RIC8B: variants seen among roughly 807,000 people sequenced by gnomAD.
RIC8B encodes chaperone Ric-8B.
A neutral mutation model predicts 57.5 loss-of-function variants in RIC8B; 16 were observed. The observed-to-expected ratio is 0.28, with a 90% confidence interval of 0.19 to 0.42. RIC8B has a LOEUF of 0.42. Among genes scored for constraint, RIC8B ranks in the 10% least tolerant of loss-of-function variants. RIC8B has a pLI of 1.00. For missense variants in RIC8B, 481 were observed against 677.0 expected (o/e 0.71, Z 3.21); for synonymous variants, 216 against 250.8 (o/e 0.86, Z 1.31).
chr12:106,823,982 G>A (rs1035079264), intron 3 of RIC8B, among the ~76,000 whole-genome samples: 12 of 152,124 alleles, frequency 7.9e-5, no homozygotes, highest in Non-Finnish European at 1.0e-4. Context: ...CACGGCACCC[G>A]ACTCGTATGA....
intron 2 of RIC8B, among the ~76,000 whole-genome samples, chr12:106,811,761 G>A (rs572272407): frequency 2.1e-4 from 32 of 152,304 alleles, no homozygotes; most frequent in African/African-American, 7.7e-4. Flanking sequence ...GCATTCTGTG[G>A]GCAGCAGGAA....
chr12:106,831,699 A>G (rs1156671746), intron 4 of RIC8B, among the ~76,000 whole-genome samples: 2 of 152,260 alleles, frequency 1.3e-5, no homozygotes. Flanking sequence ...CTAAAGTGTC[A>G]GAGTCTCTGC....
intron 8 of RIC8B, among the ~76,000 whole-genome samples, chr12:106,869,903 C>T (rs1212469653): frequency 6.6e-6 from 1 of 152,204 alleles, no homozygotes; most frequent in Non-Finnish European, 1.5e-5. Flanking sequence ...TGTGCGACTG[C>T]ACTCCAACGT....
At chr12:106,805,788 T>G (rs2044986429) in intron 2 of RIC8B, among the ~76,000 whole-genome samples, 1 of 152,290 alleles carries the variant, frequency 6.6e-6, no homozygotes, top group African/African-American at 2.4e-5. Context: ...TAGTATATTT[T>G]CTCTTTAAAA....
intron 1 of RIC8B, among the ~76,000 whole-genome samples, chr12:106,776,247 C>G (rs2043479982): frequency 6.6e-6 from 1 of 152,226 alleles, no homozygotes; most frequent in Non-Finnish European, 1.5e-5. Flanking sequence ...AGCTCCTTCA[C>G]TTTCTGATAC....
intron 3 of RIC8B, among the ~76,000 whole-genome samples, chr12:106,824,286 G>A (rs1566090791): frequency 6.6e-6 from 1 of 152,154 alleles, no homozygotes; most frequent in Non-Finnish European, 1.5e-5. Flanking sequence ...GGAGATTCAT[G>A]TGGGGAAACT....
Position 106,825,799 on chromosome 12 carries a change from A to T in RIC8B, c.815A>T (p.Asp272Val), listed in dbSNP as rs2046070676. Reference protein sequence around the residue: ...HCLLIVGPTEDKTEELHSNAV... With the variant: ...HCLLIVGPTEVKTEELHSNAV... ...TTACTAATCGTAGGTCCAACTGAAG[A>T]CAAAACAGAAGAGCTACACAGGTGG... The change falls in exon 4 of 10, where the codon GAC becomes GTC. Residue 272 changes from aspartate (D) to valine (V), a missense_variant. Asp to Val is a radical substitution (Grantham distance 152). Transcript: ENST00000392837. 1 of 1,612,622 alleles carries T rather than the reference A, an allele frequency of 6.2e-7. No homozygotes were observed. Among genetic ancestry groups the T allele is most frequent in the Non-Finnish European group, 8.5e-7 (1 of 1,178,766 alleles).
intron 8 of RIC8B, among the ~76,000 whole-genome samples, chr12:106,864,822 A>T (rs1480235871): frequency 6.6e-6 from 1 of 152,120 alleles, no homozygotes; most frequent in Non-Finnish European, 1.5e-5. Flanking sequence ...AACTCTGTAC[A>T]CATTCCCCTC....
chr12:106,783,153 C>T (rs2043843117), intron 1 of RIC8B, among the ~76,000 whole-genome samples: 2 of 152,174 alleles, frequency 1.3e-5, no homozygotes, highest in African/African-American at 4.8e-5. Flanking sequence ...CTCTGCCTTT[C>T]CAGTTATTTT....
At chr12:106,836,636 T>G (rs992707430) in intron 4 of RIC8B, among the ~76,000 whole-genome samples, 1 of 152,236 alleles carries the variant, frequency 6.6e-6, no homozygotes, top group Non-Finnish European at 1.5e-5. Context: ...TAATACCTTG[T>G]GCACTCACCT....
chr12:106,794,133 A>T (rs2044374125), intron 2 of RIC8B, among the ~76,000 whole-genome samples: 1 of 152,218 alleles, frequency 6.6e-6, no homozygotes, highest in Non-Finnish European at 1.5e-5. Flanking sequence ...AGCCCAATAG[A>T]CATTCTGGAG....
intron 1 of RIC8B, among the ~76,000 whole-genome samples, chr12:106,782,744 A>G (rs926724152): frequency 3.9e-5 from 6 of 152,092 alleles, no homozygotes; most frequent in Admixed American, 3.9e-4. Flanking sequence ...ACATTTCTCT[A>G]TCTTCTTTAA....
chr12:106,877,944 A>G (rs1383175008), intron 9 of RIC8B, among the ~76,000 whole-genome samples: 1 of 152,152 alleles, frequency 6.6e-6, no homozygotes, highest in African/African-American at 2.4e-5. Context: ...ACAATTCCCA[A>G]TTACCTTTAT....
Position 106,886,330 on chromosome 12 carries a change from G to C in RIC8B, c.*315G>C. ...TGAATCTGGCAATTCTTTTTGCCAAGATCCCTAGCAGAAGATTTAGCCATG... is the reference window on the plus strand; with the variant it reads ...TGAATCTGGCAATTCTTTTTGCCAACATCCCTAGCAGAAGATTTAGCCATG... On this transcript the variant is annotated 3_prime_UTR_variant, in exon 10 of 10. Coordinates refer to ENST00000392837, the MANE Select transcript of RIC8B (RefSeq NM_001330145.2). 4.2e-6 allele frequency: 1 copy of C among 236,952 alleles called. No individual in the cohort carries two copies. The highest frequency in any genetic ancestry group is 5.3e-5 in the Admixed American group (1 of 18,708). 14.7% of individuals were successfully genotyped at this position (236,952 alleles called of 1,614,324 possible). A position where few individuals can be genotyped will look rare whatever the true frequency, so the allele number is the denominator to read the frequency against.
chr12:106,833,350 C>G (rs1265402607), intron 4 of RIC8B, among the ~76,000 whole-genome samples: 1 of 152,072 alleles, frequency 6.6e-6, no homozygotes, highest in East Asian at 1.9e-4. Flanking sequence ...GCCTGTAATC[C>G]CAGCACTTTG....
intron 2 of RIC8B, among the ~76,000 whole-genome samples, chr12:106,797,786 T>C (rs962259019): frequency 4.6e-5 from 7 of 152,184 alleles, no homozygotes; most frequent in African/African-American, 1.4e-4. Context: ...GAATTTTGCT[T>C]ATTTTACAGA....
chr12:106,779,890 GT>G (rs2043682741), intron 1 of RIC8B, among the ~76,000 whole-genome samples: 2 of 41,934 alleles, frequency 4.8e-5, no homozygotes, highest in African/African-American at 7.7e-5. Context: ...TTTTTTTTTT[GT>G]GTGTGTGTGT....
chr12:106,795,785 C>T (rs984383542), intron 2 of RIC8B, among the ~76,000 whole-genome samples: 7 of 152,108 alleles, frequency 4.6e-5, no homozygotes, highest in South Asian at 2.1e-4. Flanking sequence ...AAAACCTTAC[C>T]GAGGACTTCC....
chr12:106,806,895 T>C (rs555249259), intron 2 of RIC8B, among the ~76,000 whole-genome samples: 44 of 152,226 alleles, frequency 2.9e-4, no homozygotes, highest in Admixed American at 1.3e-3. Context: ...TGATGGCTGC[T>C]TAGGGCTCCA....
Sources: allele counts gnomAD v4.1 joint callset (sites outside exome capture counted in the v4.1 genomes callset), GRCh38; gene constraint gnomAD v4.1.1; transcripts MANE v1.5; gene names NCBI Gene and HGNC (gene_info 2026-07-23, HGNC 2026-07-21).